SLC24A1: variants seen among roughly 807,000 people sequenced by gnomAD.
SLC24A1 encodes the protein sodium/potassium/calcium exchanger 1.
A neutral mutation model predicts 88.1 loss-of-function variants in SLC24A1; 52 were observed. The ratio of observed to expected loss-of-function variants is 0.59; its 90% CI spans 0.47 to 0.74. The LOEUF (loss-of-function observed/expected upper bound fraction) is 0.74, where lower values mean the gene tolerates loss of function less well. SLC24A1 is among the 30% of genes least tolerant of loss of function. The probability of loss-of-function intolerance (pLI) is 0.00; values close to 1 mark genes in which losing one functional copy is unlikely to be tolerated. For synonymous variants in SLC24A1, 455 were observed against 498.0 expected (o/e 0.91, Z 1.15); for missense variants, 1,173 against 1,363.3 (o/e 0.86, Z 2.20).
At chr15:65,611,421 C>G (rs920371299) in exon 1 of SLC24A1, 3 of 563,996 alleles carry the variant, frequency 5.3e-6, no homozygotes, top group Non-Finnish European at 9.6e-6. Flanking sequence ...CTGAATCTCT[C>G]CCCATTCTCG....
At chr15:65,630,198 C>T (rs2074666434) in intron 2 of SLC24A1, among the ~76,000 whole-genome samples, 1 of 152,132 alleles carries the variant, frequency 6.6e-6, no homozygotes, top group Non-Finnish European at 1.5e-5. Flanking sequence ...CTATGTTACT[C>T]AGGCTGGTCT....
chr15:65,657,434 G>A (rs1029199927), downstream of SLC24A1, among the ~76,000 whole-genome samples: 4 of 152,128 alleles, frequency 2.6e-5, no homozygotes, highest in African/African-American at 9.7e-5. Flanking sequence ...GAGGTCAGTA[G>A]ATCGAGACCA....
Position 65,654,698 on chromosome 15 carries a change from C to A in SLC24A1, c.*619C>A. On this transcript the variant is annotated 3_prime_UTR_variant, in exon 10 of 10. Transcript: ENST00000261892. The stretch of plus-strand genomic sequence containing the variant: ...TAGCCCACTGCATCTGGATATATAC[C>A]AGTATTTTCTTTTTTTTTTTTTTTG... The A allele has an allele frequency of 7.9e-7, 1 of 1,268,936 alleles. No individual in the cohort carries two copies. 78.6% of individuals were successfully genotyped at this position (1,268,936 alleles called of 1,614,324 possible).
rs75577183 is a variant in SLC24A1 at position 65,656,010 on chromosome 15, C to T, written c.*1931C>T. 1,539 of 985,318 alleles carry T rather than the reference C, an allele frequency of 1.6e-3. 22 individuals carry two copies. In the African/African-American group the frequency reaches 0.025, roughly 16 times the overall value. The allele number at this position is 985,318 out of a possible 1,614,324, so 61.0% of individuals were successfully genotyped here. ...TGATGCTACTGCATTGCTGGGTTTC[C>T]ATAGCCAAGGCCTAAGAACAGGAGG... On this transcript the variant is annotated 3_prime_UTR_variant, in exon 10 of 10. Transcript: ENST00000261892.
At chr15:65,634,172 C>T (rs1186710812) in intron 2 of SLC24A1, among the ~76,000 whole-genome samples, 1 of 151,326 alleles carries the variant, frequency 6.6e-6, no homozygotes, top group Non-Finnish European at 1.5e-5. Flanking sequence ...AGGCAGGGCT[C>T]GGACAAGGGA....
intron 9 of SLC24A1, among the ~76,000 whole-genome samples, chr15:65,653,429 C>A (rs2075570403): frequency 6.6e-6 from 1 of 151,706 alleles, no homozygotes. Flanking sequence ...GAAATGTAGG[C>A]CTTATCAAAA....
In SLC24A1 at chr15:65,652,447, G is replaced by A. The variant is rs115126020; in HGVS notation, c.2884-195G>A. ...AAGAGCAACATGGTCCCTGTGGCCA[G>A]GAGCAGGAGTCTTGCTTGCTCTTCC... On this transcript the variant is annotated intron_variant, in intron 8 of 9. Coordinates refer to ENST00000261892, the MANE Select transcript of SLC24A1 (RefSeq NM_004727.3). The A allele has an allele frequency of 9.5e-4, 503 of 531,142 alleles. 2 individuals are homozygous for A. Among genetic ancestry groups the A allele is most frequent in the African/African-American group, 8.9e-3 (468 of 52,470 alleles). 32.9% of individuals were successfully genotyped at this position (531,142 alleles called of 1,614,324 possible).
At position 65,624,458 on chromosome 15, in the gene SLC24A1, C is replaced by A. The variant is rs747889129; in HGVS notation, c.378C>A (p.Thr126=). Residue 126 remains threonine, a synonymous_variant, in exon 2 of 10, where the codon ACC becomes ACA. Coordinates refer to ENST00000261892, the MANE Select transcript of SLC24A1 (RefSeq NM_004727.3). ...CAGCCAAGATGATCCCAACAACAAC[C>A]AAGAATAATTACAGCCCAACAGCAG... ...KRTAKMIPTT[T]KNNYSPTAAG... is the part of the protein sequence containing the mutation. 3 of 1,610,844 alleles carry A rather than the reference C, an allele frequency of 1.9e-6. No individual in the cohort carries two copies. Among genetic ancestry groups the A allele is most frequent in the Non-Finnish European group, 1.7e-6 (2 of 1,178,396 alleles).
At chr15:65,659,321 G>GCTTT (rs1491492345), downstream of SLC24A1, 1 of 66,668 alleles carries the variant, frequency 1.5e-5, no homozygotes, top group Non-Finnish European at 3.0e-5. Context: ...GATATTTTCT[G>GCTTT]GTTTTTTTTT....
chr15:65,639,817 G>A, intron 4 of SLC24A1, 114 bp downstream of exon 4: 2 of 743,584 alleles, frequency 2.7e-6, no homozygotes, highest in Non-Finnish European at 4.8e-6. Flanking sequence ...GGAGTGGGAA[G>A]AGATAATAAG....
At chr15:65,648,798 C>A (rs567995315) in intron 6 of SLC24A1, among the ~76,000 whole-genome samples, 18 of 152,194 alleles carry the variant, frequency 1.2e-4, no homozygotes, top group African/African-American at 4.3e-4. Context: ...CCGTGCCCAG[C>A]CTATCTCTTA....
upstream of SLC24A1, among the ~76,000 whole-genome samples, chr15:65,617,169 C>T (rs1458049499): frequency 2.6e-5 from 4 of 152,162 alleles, no homozygotes; most frequent in Admixed American, 1.3e-4. Flanking sequence ...ATGCCTCCAG[C>T]TTTGTTCTTT....
rs1390347680 is a variant in SLC24A1 at position 65,655,911 on chromosome 15, A to G, written c.*1832A>G. 2 of 985,278 alleles carry G rather than the reference A, an allele frequency of 2.0e-6. No homozygotes were observed. The highest frequency in any genetic ancestry group is 2.4e-6 in the Non-Finnish European group (2 of 829,878). The allele number at this position is 985,278 out of a possible 1,614,324, so 61.0% of individuals were successfully genotyped here. A position where few individuals can be genotyped will look rare whatever the true frequency, so the allele number is the denominator to read the frequency against. On this transcript the variant is annotated 3_prime_UTR_variant, in exon 10 of 10. Coordinates refer to ENST00000261892, the MANE Select transcript of SLC24A1 (RefSeq NM_004727.3). ...ATCCTTATCTTTAGGTCATTTGGTC[A>G]GAATCCTCCCGAGAAGACTGATGAA...
chr15:65,650,491 G>A lies in SLC24A1; in HGVS notation c.2342G>A (p.Gly781Asp). 6.4e-7 allele frequency: 1 copy of A among 1,551,730 alleles called. No homozygotes were observed. The highest frequency in any genetic ancestry group is 8.7e-7 in the Non-Finnish European group (1 of 1,146,986). The change falls in exon 7 of 10, where the codon GGT (glycine) becomes GAT (aspartate). Residue 781 changes from glycine (G) to aspartate (D), a missense_variant. Gly to Asp is a moderately conservative substitution (Grantham distance 94). Transcript: ENST00000261892. This position sits in a 1 kb window ranked among gnomAD's most constrained non-coding sequence, Gnocchi z 4.1. ...AGTGGAGGTGAAACTCAACCAGAAG[G>A]TGAAGGTGAAACTGAAACACAAGGA... Reference protein sequence around the residue: ...EKSGGETQPEGEGETETQGKG... With the variant: ...EKSGGETQPEDEGETETQGKG...
intron 2 of SLC24A1, among the ~76,000 whole-genome samples, chr15:65,613,673 T>C (rs2074047508): frequency 6.6e-6 from 1 of 152,044 alleles, no homozygotes; most frequent in Non-Finnish European, 1.5e-5. Context: ...TTTGTAGAGA[T>C]GGGGGTCTCA....
In SLC24A1 at chr15:65,653,989, G is replaced by A; in HGVS notation, c.3210G>A (p.Leu1070=). Residue 1070 remains leucine, a synonymous_variant, in exon 10 of 10, where the codon CTG becomes CTA. Coordinates refer to ENST00000261892, the MANE Select transcript of SLC24A1 (RefSeq NM_004727.3). ...GTAAATGGAGAATGAACAAGATCCT[G>A]GGCTTCACAATGTTCCTCCTTTACT... ...ASCKWRMNKI[L]GFTMFLLYFV... 1 of 1,613,888 alleles carries A rather than the reference G, an allele frequency of 6.2e-7. No individual in the cohort carries two copies. Among genetic ancestry groups the A allele is most frequent in the South Asian group, 1.1e-5 (1 of 91,078 alleles).
intron 2 of SLC24A1, among the ~76,000 whole-genome samples, chr15:65,613,440 C>T (rs1339523029): frequency 2.0e-5 from 3 of 151,578 alleles, no homozygotes; most frequent in South Asian, 2.1e-4. Context: ...TTCATGACTT[C>T]GTGCTTGAGA....
intron 5 of SLC24A1, among the ~76,000 whole-genome samples, chr15:65,645,219 G>A (rs938124204): frequency 2.0e-5 from 3 of 152,224 alleles, no homozygotes; most frequent in Non-Finnish European, 2.9e-5. Context: ...CTTCCCGTCA[G>A]TCCTGTTCCA....
At chr15:65,627,558 AAG>A (rs1240305317) in intron 2 of SLC24A1, among the ~76,000 whole-genome samples, 1 of 152,180 alleles carries the variant, frequency 6.6e-6, no homozygotes, top group Non-Finnish European at 1.5e-5. Flanking sequence ...TTCAAAAAGA[AAG>A]AGAGGCTTAG....
Sources: gnomAD v4.1 joint callset for allele counts (sites outside exome capture counted in the v4.1 genomes callset) on GRCh38, gnomAD v4.1.1 for gene constraint, Gnocchi (gnomAD v3.1) non-coding constraint, MANE v1.5 for transcripts, NCBI Gene and HGNC (gene_info 2026-07-23, HGNC 2026-07-21) for gene names.